Variants in EXOC6 observed in about 807,000 individuals in gnomAD.
EXOC6 encodes the protein exocyst complex component 6.
EXOC6 carries 60 observed loss-of-function variants against 112.5 expected under a neutral mutation model. The observed-to-expected ratio is 0.53, with a 90% confidence interval of 0.43 to 0.66. The LOEUF (loss-of-function observed/expected upper bound fraction) is 0.66, where lower values mean the gene tolerates loss of function less well. Among genes scored for constraint, EXOC6 ranks in the 30% least tolerant of loss-of-function variants. The pLI, the probability that EXOC6 is intolerant of heterozygous loss-of-function variation, is 0.00. For synonymous variants in EXOC6, 295 were observed against 308.0 expected (o/e 0.96, Z 0.44); for missense variants, 855 against 957.1 (o/e 0.89, Z 1.41).
chr10:93,046,805 C>G (rs954961807), intron 20 of EXOC6, among the ~76,000 whole-genome samples: 2 of 152,138 alleles, frequency 1.3e-5, no homozygotes, highest in African/African-American at 4.8e-5. Context: ...ACCATGTTGG[C>G]CAGGCTGGTC....
chr10:93,036,863 C>A (rs1222455647), intron 20 of EXOC6, among the ~76,000 whole-genome samples: 1 of 152,088 alleles, frequency 6.6e-6, no homozygotes, highest in African/African-American at 2.4e-5. Context: ...AGGATTAAAT[C>A]TTTGTTTCCA....
At chr10:92,872,295 G>A (rs1265127276) in intron 1 of EXOC6, among the ~76,000 whole-genome samples, 1 of 151,918 alleles carries the variant, frequency 6.6e-6, no homozygotes, top group Non-Finnish European at 1.5e-5. Context: ...CAAGTATGGA[G>A]AGTCTTTTTT....
upstream of EXOC6, among the ~76,000 whole-genome samples, chr10:92,830,642 C>T (rs1377493945): frequency 6.6e-6 from 1 of 152,168 alleles, no homozygotes; most frequent in Non-Finnish European, 1.5e-5. Flanking sequence ...CCCATTCTCA[C>T]TAGATATCAG....
At chr10:92,979,214 G>T (rs1218286926) in intron 18 of EXOC6, among the ~76,000 whole-genome samples, 1 of 152,174 alleles carries the variant, frequency 6.6e-6, no homozygotes, top group Non-Finnish European at 1.5e-5. Context: ...AGGCTGGAGT[G>T]CACTGGTGCA....
At chr10:93,000,137 G>A (rs1360445243) in intron 19 of EXOC6, among the ~76,000 whole-genome samples, 1 of 152,104 alleles carries the variant, frequency 6.6e-6, no homozygotes, top group African/African-American at 2.4e-5. Flanking sequence ...ATCCCCCATG[G>A]GTAAGAGGGG....
At chr10:92,998,587 TTAGA>T (rs770977045) in intron 19 of EXOC6, among the ~76,000 whole-genome samples, 4 of 146,876 alleles carry the variant, frequency 2.7e-5, no homozygotes, top group Admixed American at 7.0e-5. Context: ...TAGAAAATAA[TTAGA>T]TAGGCTCTTT....
At chr10:92,861,492 T>TG (rs962719401) in intron 1 of EXOC6, among the ~76,000 whole-genome samples, 1 of 152,150 alleles carries the variant, frequency 6.6e-6, no homozygotes, top group African/African-American at 2.4e-5. Flanking sequence ...GAAGGAGGGC[T>TG]GGGTGGAAGA....
chr10:92,851,656 AC>A (rs1847344873), intron 1 of EXOC6, among the ~76,000 whole-genome samples: 1 of 151,840 alleles, frequency 6.6e-6, no homozygotes, highest in Admixed American at 6.5e-5. Context: ...TCTTAAAAAA[AC>A]AAAAACAAAA....
intron 18 of EXOC6, among the ~76,000 whole-genome samples, chr10:92,991,453 A>C (rs1318996682): frequency 2.0e-5 from 3 of 151,228 alleles, no homozygotes; most frequent in South Asian, 2.1e-4. Context: ...AAAAAAAAAA[A>C]CAAAAGTTAG....
chr10:92,952,692 A>T (rs1207095186), intron 15 of EXOC6, among the ~76,000 whole-genome samples: 1 of 152,214 alleles, frequency 6.6e-6, no homozygotes, highest in Admixed American at 6.5e-5. Flanking sequence ...AAGTGAAAAC[A>T]TGCAGTATTT....
upstream of EXOC6, among the ~76,000 whole-genome samples, chr10:92,830,401 A>T (rs1227051603): frequency 6.6e-6 from 1 of 152,168 alleles, no homozygotes; most frequent in Non-Finnish European, 1.5e-5. Context: ...CTAATGGGAC[A>T]GTGACTCAGT....
chr10:92,851,679 AAAAAC>A (rs1458156009), intron 1 of EXOC6, among the ~76,000 whole-genome samples: 1 of 152,032 alleles, frequency 6.6e-6, no homozygotes, highest in African/African-American at 2.4e-5. Flanking sequence ...CAAACAAAAA[AAAAAC>A]AAAACCAACC....
At chr10:92,875,372 CAA>C (rs1491326653) in intron 1 of EXOC6, among the ~76,000 whole-genome samples, 2 of 152,078 alleles carry the variant, frequency 1.3e-5, no homozygotes, top group African/African-American at 2.4e-5. Context: ...GATACACACA[CAA>C]ATATATTTTA....
intron 13 of EXOC6, among the ~76,000 whole-genome samples, chr10:92,945,750 G>A (rs760941058): frequency 5.3e-5 from 8 of 151,980 alleles, no homozygotes; most frequent in Admixed American, 1.3e-4. Context: ...ACAGCATTTC[G>A]CTGTGTTGCC....
intron 19 of EXOC6, among the ~76,000 whole-genome samples, chr10:93,012,123 C>T (rs1027107524): frequency 4.6e-5 from 7 of 152,108 alleles, no homozygotes; most frequent in South Asian, 4.1e-4. Flanking sequence ...CTCAAAGGAA[C>T]GTGTATAAAA....
intron 18 of EXOC6, among the ~76,000 whole-genome samples, chr10:92,986,026 AT>A (rs1415971089): frequency 6.6e-6 from 1 of 152,090 alleles, no homozygotes; most frequent in Non-Finnish European, 1.5e-5. Flanking sequence ...TTGAATGTTA[AT>A]TTTTAAAAAT....
At chr10:92,858,606 A>G (rs567279265) in intron 1 of EXOC6, among the ~76,000 whole-genome samples, 1 of 152,280 alleles carries the variant, frequency 6.6e-6, no homozygotes, top group South Asian at 2.1e-4. Context: ...TAAAAAAAAT[A>G]ATTTCTACTT....
At chr10:92,842,794 T>C (rs1368729150) in intron 1 of EXOC6, among the ~76,000 whole-genome samples, 2 of 152,150 alleles carry the variant, frequency 1.3e-5, no homozygotes, top group African/African-American at 4.8e-5. Context: ...CTCAGTGGAC[T>C]TTAAAATGTT....
At chr10:92,930,947 A>T (rs1419773155) in intron 9 of EXOC6, among the ~76,000 whole-genome samples, 2 of 151,960 alleles carry the variant, frequency 1.3e-5, no homozygotes, top group African/African-American at 4.8e-5. Flanking sequence ...CCCCGTCTCT[A>T]CTAAAAATAC....
Sources: allele counts gnomAD v4.1 joint callset (sites outside exome capture counted in the v4.1 genomes callset), GRCh38; gene constraint gnomAD v4.1.1; transcripts MANE v1.5; gene names NCBI Gene and HGNC (gene_info 2026-07-23, HGNC 2026-07-21).